The following DCTD variants were observed in gnomAD, a reference collection of about 807,000 sequenced individuals.
DCTD encodes the protein dCMP deaminase.
DCTD carries 23 observed loss-of-function variants against 21.0 expected under a neutral mutation model. The ratio of observed to expected loss-of-function variants is 1.09; its 90% CI spans 0.79 to 1.55. DCTD has a LOEUF of 1.55. DCTD is among the 40% of genes most tolerant of loss of function. DCTD has a pLI of 0.00. For synonymous variants in DCTD, 71 were observed against 81.1 expected, an observed-to-expected ratio of 0.88 and a Z score of 0.67; for missense variants, 224 against 230.0, an observed-to-expected ratio of 0.97 and a Z score of 0.17.
chr4:182,894,440 C>A (rs143658463), intron 4 of DCTD, 49 bp downstream of exon 4: 26 of 1,112,176 alleles, frequency 2.3e-5, no homozygotes, highest in Non-Finnish European at 3.6e-5. Flanking sequence ...GAGCTACTGA[C>A]GAGCAGGCAG....
intron 3 of DCTD, among the ~76,000 whole-genome samples, chr4:182,901,777 TAAA>T (rs33920727): frequency 3.6e-5 from 5 of 139,658 alleles, no homozygotes; most frequent in African/African-American, 5.2e-5. Context: ...ACCTGTGCAT[TAAA>T]AAAAAAAAAA....
intron 3 of DCTD, among the ~76,000 whole-genome samples, chr4:182,904,528 G>A (rs1736323234): frequency 6.6e-6 from 1 of 152,158 alleles, no homozygotes; most frequent in Non-Finnish European, 1.5e-5. Context: ...GCTGGGATGT[G>A]TGTTCTAATT....
At chr4:182,908,155 T>G in intron 3 of DCTD, among the ~76,000 whole-genome samples, 1 of 152,198 alleles carries the variant, frequency 6.6e-6, no homozygotes, top group East Asian at 1.9e-4. Flanking sequence ...CATATTCTAC[T>G]TTAATATAGC....
At chr4:182,891,980 A>G (rs1733847893) in intron 5 of DCTD, among the ~76,000 whole-genome samples, 1 of 129,294 alleles carries the variant, frequency 7.7e-6, no homozygotes, top group African/African-American at 2.8e-5. Context: ...TTTTTTGCTC[A>G]TTAACTTTTC....
intron 3 of DCTD, among the ~76,000 whole-genome samples, chr4:182,908,062 A>G (rs1178860401): frequency 1.3e-5 from 2 of 152,186 alleles, no homozygotes; most frequent in Non-Finnish European, 2.9e-5. Context: ...TTCAGGAAGT[A>G]AAAGTAAAAA....
chr4:182,899,168 G>T (rs1304646162), intron 3 of DCTD, among the ~76,000 whole-genome samples: 2 of 152,162 alleles, frequency 1.3e-5, no homozygotes, highest in African/African-American at 4.8e-5. Context: ...GGCCACAGGA[G>T]GGTCTCGTCA....
chr4:182,914,622 C>T lies in DCTD; in HGVS notation c.244+301G>A, dbSNP rs541923002. On this transcript the variant is annotated intron_variant, in intron 3 of 5. Coordinates refer to ENST00000438320, the MANE Select transcript of DCTD (RefSeq NM_001921.3). Reference sequence around the variant, plus strand: ...GGGGCTGTGACCCTCTGCAGAGACGCCGACTATCAGTGCACTGGTGTGGTG... The same window carrying T: ...GGGGCTGTGACCCTCTGCAGAGACGTCGACTATCAGTGCACTGGTGTGGTG... Among the ~76,000 whole-genome samples, 11 of 152,292 alleles carry T rather than the reference C, an allele frequency of 7.2e-5. No homozygotes were observed. The South Asian group carries it at 2.3e-3, about 32-fold the overall frequency.
At chr4:182,913,959 A>T (rs1387807261) in intron 3 of DCTD, among the ~76,000 whole-genome samples, 1 of 151,662 alleles carries the variant, frequency 6.6e-6, no homozygotes, top group Non-Finnish European at 1.5e-5. Flanking sequence ...ACAGTTCTAC[A>T]CTTCTAGCTT....
intron 1 of DCTD, chr4:182,916,752 G>C (rs917953010): frequency 1.8e-6 from 2 of 1,107,738 alleles, no homozygotes; most frequent in Admixed American, 4.0e-5. Context: ...GGGAGCCATG[G>C]GGGGCGAGGG....
intron 3 of DCTD, among the ~76,000 whole-genome samples, chr4:182,912,267 G>A (rs894808279): frequency 2.0e-5 from 3 of 151,916 alleles, no homozygotes; most frequent in African/African-American, 7.3e-5. Flanking sequence ...AAGACAACAA[G>A]TGTACAGTTT....
intron 3 of DCTD, among the ~76,000 whole-genome samples, chr4:182,904,016 C>T (rs186083258): frequency 1.3e-5 from 2 of 152,292 alleles, no homozygotes; most frequent in East Asian, 3.9e-4. Flanking sequence ...ACCAGGCTGT[C>T]CTGGCCTGCC....
At chr4:182,899,176 T>C (rs17331968) in intron 3 of DCTD, among the ~76,000 whole-genome samples, 34,993 of 152,040 alleles carry the variant, frequency 0.23, 4,486 homozygotes, top group Non-Finnish European at 0.3. Flanking sequence ...GAGGGTCTCG[T>C]CATCATGAAA....
In DCTD at chr4:182,915,581, A is replaced by G. The variant is rs758078625; in HGVS notation, c.-7-6T>C. Reference sequence around the variant, plus strand: ...AAACTTCACTCATGTTGGGTCTAGAAGAAAAACATGACAAAACAGAAGTTG... The same window carrying G: ...AAACTTCACTCATGTTGGGTCTAGAGGAAAAACATGACAAAACAGAAGTTG... On this transcript the variant is annotated splice_polypyrimidine_tract_variant and splice_region_variant and intron_variant, in intron 1 of 5. Coordinates refer to ENST00000438320, the MANE Select transcript of DCTD (RefSeq NM_001921.3). 2.9e-5 allele frequency: 46 copies of G among 1,565,816 alleles called. No individual in the cohort carries two copies. The highest frequency in any genetic ancestry group is 3.3e-5 in the Non-Finnish European group (38 of 1,136,014).
chr4:182,895,250 T>G (rs1734535079), intron 3 of DCTD, among the ~76,000 whole-genome samples: 1 of 152,166 alleles, frequency 6.6e-6, no homozygotes, highest in Non-Finnish European at 1.5e-5. Context: ...TTTGTATCTT[T>G]TGTAGAGATG....
intron 3 of DCTD, among the ~76,000 whole-genome samples, chr4:182,905,386 T>C (rs1336816435): frequency 2.7e-5 from 4 of 147,174 alleles, no homozygotes; most frequent in African/African-American, 5.0e-5. Context: ...TGGAGTGCAA[T>C]GGCGCGATCT....
At chr4:182,892,993 C>A in intron 5 of DCTD, 38 bp downstream of exon 5, 1 of 1,282,526 alleles carries the variant, frequency 7.8e-7, no homozygotes, top group Non-Finnish European at 1.1e-6. Flanking sequence ...TCAGCCTTCA[C>A]CCTACCCCGT....
chr4:182,898,407 G>A (rs1455329498), intron 3 of DCTD, among the ~76,000 whole-genome samples: 1 of 152,246 alleles, frequency 6.6e-6, no homozygotes, highest in East Asian at 1.9e-4. Context: ...ATTTGCAGGA[G>A]TGACAGTGGA....
chr4:182,910,659 C>A (rs1204599959), intron 3 of DCTD, among the ~76,000 whole-genome samples: 1 of 152,128 alleles, frequency 6.6e-6, no homozygotes, highest in Non-Finnish European at 1.5e-5. Flanking sequence ...CTTCTTCCTG[C>A]CACTTAATGT....
At chr4:182,898,532 A>G (rs1435405432) in intron 3 of DCTD, among the ~76,000 whole-genome samples, 1 of 152,202 alleles carries the variant, frequency 6.6e-6, no homozygotes, top group Non-Finnish European at 1.5e-5. Context: ...AATCCTCCAG[A>G]ACAGGTGACT....
Sources: gnomAD v4.1 joint callset for allele counts (sites outside exome capture counted in the v4.1 genomes callset) on GRCh38, gnomAD v4.1.1 for gene constraint, MANE v1.5 for transcripts, NCBI Gene and HGNC (gene_info 2026-07-23, HGNC 2026-07-21) for gene names.